PRPF4: variants seen among roughly 807,000 people sequenced by gnomAD.
The protein encoded by PRPF4 is U4/U6 small nuclear ribonucleoprotein Prp4.
A neutral mutation model predicts 72.2 loss-of-function variants in PRPF4; 14 were observed. That is an observed-to-expected ratio of 0.19 (90% CI 0.13 to 0.30). The LOEUF (loss-of-function observed/expected upper bound fraction) is 0.30, where lower values mean the gene tolerates loss of function less well. PRPF4 is among the 10% of genes least tolerant of loss of function. The probability of loss-of-function intolerance (pLI) is 1.00; values close to 1 mark genes in which losing one functional copy is unlikely to be tolerated. For missense variants in PRPF4, 478 were observed against 653.9 expected (o/e 0.73, Z 2.93); for synonymous variants, 225 against 232.2 (o/e 0.97, Z 0.28).
chr9:113,286,433 T>C, intron 8 of PRPF4, 143 bp downstream of exon 8: 1 of 911,598 alleles, frequency 1.1e-6, no homozygotes, highest in East Asian at 2.5e-5. Context: ...GCTGCAAGAC[T>C]GGACTATCAC....
intron 9 of PRPF4, 144 bp from the exon 10 acceptor site, chr9:113,288,031 C>T: frequency 1.5e-6 from 1 of 648,930 alleles, no homozygotes; most frequent in Non-Finnish European, 2.6e-6. Flanking sequence ...GACTATTTTG[C>T]TTATTGGGCC....
chr9:113,286,555 A>T, intron 8 of PRPF4, 150 bp from the exon 9 acceptor site: 1 of 1,223,546 alleles, frequency 8.2e-7, no homozygotes, highest in Non-Finnish European at 1.1e-6. Flanking sequence ...TTAAAAATGT[A>T]ATTTAAATAT....
intron 9 of PRPF4, 25 bp downstream of exon 9, chr9:113,286,853 A>G (rs2118631857): frequency 6.2e-7 from 1 of 1,613,944 alleles, no homozygotes; most frequent in East Asian, 2.2e-5. Context: ...TCTGTGGCCC[A>G]TACTGCCATC....
chr9:113,286,839 C>G lies in PRPF4; in HGVS notation c.932+11C>G. On this transcript the variant is annotated intron_variant, in intron 9 of 13. Transcript: ENST00000374198. ...TTGGAGTCTCGACAGGTGAATATCA[C>G]TGTTCTGTGGCCCATACTGCCATCA... 1 of 1,614,094 alleles carries G rather than the reference C, an allele frequency of 6.2e-7. No individual in the cohort carries two copies. The highest frequency in any genetic ancestry group is 8.5e-7 in the Non-Finnish European group (1 of 1,179,952).
chr9:113,280,516 A>G (rs1209690614), intron 3 of PRPF4, among the ~76,000 whole-genome samples: 1 of 152,232 alleles, frequency 6.6e-6, no homozygotes, highest in African/African-American at 2.4e-5. Flanking sequence ...ATAATCCATT[A>G]GCAAAATCTG....
rs767091529 is a variant in PRPF4 at position 113,282,657 on chromosome 9, T to C, written c.404T>C (p.Ile135Thr). Residue 135 changes from isoleucine to threonine, a missense_variant, in exon 4 of 14, where the codon ATC (isoleucine) becomes ACC (threonine). Ile to Thr is a moderately conservative substitution (Grantham distance 89). Coordinates refer to ENST00000374198, the MANE Select transcript of PRPF4 (RefSeq NM_001244926.2). ...TTTTTTTTTAACAGGTTAAGAAATA[T>C]CCTCTCAGTTGTCGGTACTGATGCC... Reference protein sequence around the residue: ...PAERRERLRNILSVVGTDALK... With the variant: ...PAERRERLRNTLSVVGTDALK... 6.9e-6 allele frequency: 11 copies of C among 1,595,890 alleles called. No individual in the cohort carries two copies. Among genetic ancestry groups the C allele is most frequent in the African/African-American group, 6.8e-5 (5 of 73,744 alleles).
Position 113,278,939 on chromosome 9 carries a change from T to A in PRPF4, c.206-6T>A, listed in dbSNP as rs753071597. The A allele has an allele frequency of 6.2e-7, 1 of 1,613,662 alleles. No homozygotes were observed. The stretch of plus-strand genomic sequence containing the variant: ...CTGCTGATGTTGCCTGTTTTCTTTT[T>A]AATAGGAGAAGTGTTTGAAATTGAA... On this transcript the variant is annotated splice_polypyrimidine_tract_variant and splice_region_variant and intron_variant, in intron 2 of 13. Transcript: ENST00000374198.
Position 113,278,946 on chromosome 9 carries a change from A to G in PRPF4, c.207A>G (p.Gly69=). 2 of 1,614,014 alleles carry G rather than the reference A, an allele frequency of 1.2e-6. No individual in the cohort carries two copies. The highest frequency in any genetic ancestry group is 1.7e-6 in the Non-Finnish European group (2 of 1,179,938). The change falls in exon 3 of 14, where the codon GGA becomes GGG. Residue 69 remains glycine, a splice_region_variant and synonymous_variant. Coordinates refer to ENST00000374198, the MANE Select transcript of PRPF4 (RefSeq NM_001244926.2). ...IEAGNINITS[G]EVFEIEEHIS... is the part of the protein sequence containing the mutation. ...TGTTGCCTGTTTTCTTTTTAATAGG[A>G]GAAGTGTTTGAAATTGAAGAGCATA...
chr9:113,290,655 C>T, intron 11 of PRPF4, 45 bp from the exon 12 acceptor site: 2 of 1,614,088 alleles, frequency 1.2e-6, no homozygotes, highest in Non-Finnish European at 1.7e-6. Context: ...CCTGCTTCCA[C>T]AGAGAACTGG....
Position 113,291,703 on chromosome 9 carries a change from G to A in PRPF4, c.*43G>A, listed in dbSNP as rs1832613437. 6.3e-7 allele frequency: 1 copy of A among 1,589,828 alleles called. No individual in the cohort carries two copies. Reference sequence around the variant, plus strand: ...ACTTGAACCTCAAGCTCTCTCTAAGGAGCTGTTTTCCTCAAACGAGAAGAA... The same window carrying A: ...ACTTGAACCTCAAGCTCTCTCTAAGAAGCTGTTTTCCTCAAACGAGAAGAA... On this transcript the variant is annotated 3_prime_UTR_variant, in exon 14 of 14. Coordinates refer to ENST00000374198, the MANE Select transcript of PRPF4 (RefSeq NM_001244926.2).
At chr9:113,282,195 G>A (rs949242784) in intron 3 of PRPF4, among the ~76,000 whole-genome samples, 1 of 152,216 alleles carries the variant, frequency 6.6e-6, no homozygotes, top group Non-Finnish European at 1.5e-5. Context: ...CTGGAGGGCC[G>A]GGTATAGTGG....
chr9:113,292,101 T>G lies in PRPF4; in HGVS notation c.*441T>G, dbSNP rs1016013052. The G allele has an allele frequency of 1.3e-5, 2 of 156,328 alleles. No homozygotes were observed. Among genetic ancestry groups the G allele is most frequent in the African/African-American group, 4.8e-5 (2 of 41,368 alleles). The allele number at this position is 156,328 out of a possible 1,614,324, so 9.7% of individuals were successfully genotyped here. ...GGTGGCTTCTGCCTGTGATTCCGGCTACTTGGGAGGCTGAGGTGGGAGGGA... is the reference window on the plus strand; with the variant it reads ...GGTGGCTTCTGCCTGTGATTCCGGCGACTTGGGAGGCTGAGGTGGGAGGGA... On this transcript the variant is annotated 3_prime_UTR_variant, in exon 14 of 14. Coordinates refer to ENST00000374198, the MANE Select transcript of PRPF4 (RefSeq NM_001244926.2).
chr9:113,283,106 C>T, intron 4 of PRPF4, 26 bp from the exon 5 acceptor site: 1 of 1,614,136 alleles, frequency 6.2e-7, no homozygotes, highest in Non-Finnish European at 8.5e-7. Flanking sequence ...CAGATTTGAC[C>T]TTTCTGCTCT....
intron 3 of PRPF4, among the ~76,000 whole-genome samples, chr9:113,281,623 A>G (rs1342204613): frequency 1.3e-5 from 2 of 152,228 alleles, no homozygotes; most frequent in Middle Eastern, 3.4e-3. Context: ...GTCCTCTTCT[A>G]TGTTCTACGC....
Position 113,291,792 on chromosome 9 carries a change from G to A in PRPF4, c.*132G>A, listed in dbSNP as rs1043550999. On this transcript the variant is annotated 3_prime_UTR_variant, in exon 14 of 14. Coordinates refer to ENST00000374198, the MANE Select transcript of PRPF4 (RefSeq NM_001244926.2). ...CATGCATAGACCCTCAGTAGAATTGGATTTCCATGTCAGCCCCCACTCCAG... is the reference window on the plus strand; with the variant it reads ...CATGCATAGACCCTCAGTAGAATTGAATTTCCATGTCAGCCCCCACTCCAG... 2.2e-6 allele frequency: 2 copies of A among 922,624 alleles called. No individual in the cohort carries two copies. Among genetic ancestry groups the A allele is most frequent in the African/African-American group, 3.3e-5 (2 of 59,890 alleles). The allele number at this position is 922,624 out of a possible 1,614,324, so 57.2% of individuals were successfully genotyped here.
chr9:113,278,833 G>A, intron 2 of PRPF4, 112 bp from the exon 3 acceptor site: 3 of 1,009,284 alleles, frequency 3.0e-6, no homozygotes, highest in South Asian at 3.4e-5. Flanking sequence ...ACTATAAAAT[G>A]TGTAATAGAC....
intron 8 of PRPF4, 50 bp from the exon 9 acceptor site, chr9:113,286,655 G>A: frequency 6.2e-7 from 1 of 1,611,904 alleles, no homozygotes; most frequent in Non-Finnish European, 8.5e-7. Flanking sequence ...TATAACATGG[G>A]TTATAAAGAG....
At position 113,288,583 on chromosome 9, in the gene PRPF4, C is replaced by T. The variant is rs554817504; in HGVS notation, c.1022+319C>T. Among the ~76,000 whole-genome samples the T allele has an allele frequency of 2.3e-3, 355 of 152,096 alleles. 3 individuals are homozygous for T. The highest frequency in any genetic ancestry group is 3.9e-3 in the Non-Finnish European group (266 of 67,990). On this transcript the variant is annotated intron_variant, in intron 10 of 13. Transcript: ENST00000374198. ...TCCCGAGTAGCTGGGACTACAGGCG[C>T]GTGCCACCATGCCCAGCTAATTTTT... is the stretch of plus-strand genomic sequence containing the variant.
At chr9:113,286,573 A>G in intron 8 of PRPF4, 132 bp from the exon 9 acceptor site, 1 of 1,276,744 alleles carries the variant, frequency 7.8e-7, no homozygotes, top group Non-Finnish European at 1.1e-6. Context: ...TATTAGCTTA[A>G]ATTAAAATAG....
Sources: allele counts gnomAD v4.1 joint callset (sites outside exome capture counted in the v4.1 genomes callset), GRCh38; gene constraint gnomAD v4.1.1; transcripts MANE v1.5; gene names NCBI Gene and HGNC (gene_info 2026-07-23, HGNC 2026-07-21).